Variants in GNL3 observed in about 807,000 individuals in gnomAD.
The protein encoded by GNL3 is guanine nucleotide-binding protein-like 3.
GNL3 carries 77 observed loss-of-function variants against 70.6 expected under a neutral mutation model. The ratio of observed to expected loss-of-function variants is 1.09; its 90% CI spans 0.91 to 1.32. GNL3 has a LOEUF of 1.32. Among genes scored for constraint, GNL3 ranks in the 40% most tolerant of loss-of-function variants. GNL3 has a pLI of 0.00. For missense variants in GNL3, 634 were observed against 644.0 expected, an observed-to-expected ratio of 0.98 and a Z score of 0.17; for synonymous variants, 252 against 216.1, an observed-to-expected ratio of 1.17 and a Z score of -1.46.
At chr3:52,691,485 T>C in intron 8 of GNL3, 57 bp from the exon 9 acceptor site, 1 of 1,041,424 alleles carries the variant, frequency 9.6e-7, no homozygotes, top group Non-Finnish European at 1.5e-6. Flanking sequence ...GCAGTGAAAA[T>C]TTCATAAGTG....
At chr3:52,686,879 T>G in intron 2 of GNL3, 52 bp downstream of exon 2, 1 of 1,364,734 alleles carries the variant, frequency 7.3e-7, no homozygotes, top group Non-Finnish European at 1.0e-6. Context: ...AAACTGATTT[T>G]GCCCTGTTCC....
chr3:52,686,028 C>T, upstream of GNL3: 3 of 831,702 alleles, frequency 3.6e-6, no homozygotes, highest in East Asian at 4.8e-5. Flanking sequence ...TCGTCAGTGG[C>T]TTCAGTTCAC....
intron 9 of GNL3, among the ~76,000 whole-genome samples, chr3:52,691,991 C>T (rs941148147): frequency 6.6e-5 from 10 of 152,136 alleles, no homozygotes; most frequent in African/African-American, 1.4e-4. Flanking sequence ...CAAGCCACCG[C>T]GCCCGGCCTA....
At position 52,693,039 on chromosome 3, in the gene GNL3, C is replaced by T; in HGVS notation, c.1037C>T (p.Ala346Val). The change falls in exon 10 of 15, where the codon GCT becomes GTT. Residue 346 changes from alanine to valine, a missense_variant. Transcript: ENST00000418458. ...AASAILSQAD[A>V]RQVVLKYTVP... Reference sequence around the variant, plus strand: ...AGTGCCATCCTTTCCCAGGCTGATGCTCGACAGGTAAAAGGACCCCTTCTC... The same window carrying T: ...AGTGCCATCCTTTCCCAGGCTGATGTTCGACAGGTAAAAGGACCCCTTCTC... 2 of 1,614,106 alleles carry T rather than the reference C, an allele frequency of 1.2e-6. No homozygotes were observed. The highest frequency in any genetic ancestry group is 1.7e-6 in the Non-Finnish European group (2 of 1,179,928).
chr3:52,686,928 G>A, intron 2 of GNL3, 101 bp downstream of exon 2: 1 of 886,858 alleles, frequency 1.1e-6, no homozygotes, highest in Non-Finnish European at 1.8e-6. Flanking sequence ...TTGGTTTTGG[G>A]AAATGGCATT....
In GNL3 at chr3:52,688,279, G is replaced by A; in HGVS notation, c.408+87G>A. ...TTTTTTTAACCTTTTAAGATGAAGG[G>A]TGCATGTGCAGGTTTGTTATATGGG... On this transcript the variant is annotated intron_variant, in intron 5 of 14. Transcript: ENST00000418458. 3.8e-6 allele frequency: 3 copies of A among 780,146 alleles called. No homozygotes were observed. In the Admixed American group the frequency reaches 5.9e-5, roughly 15 times the overall value. The allele number at this position is 780,146 out of a possible 1,614,324, so 48.3% of individuals were successfully genotyped here.
chr3:52,689,103 G>A lies in GNL3; in HGVS notation c.438G>A (p.Glu146=). 6.2e-7 allele frequency: 1 copy of A among 1,613,272 alleles called. No individual in the cohort carries two copies. The highest frequency in any genetic ancestry group is 8.5e-7 in the Non-Finnish European group (1 of 1,179,176). ...KVIEASDVVL[E]VLDARDPLGC... ...TTGAAGCCTCCGATGTTGTCCTAGA[G>A]GTGTTGGATGCCAGAGATCCTCTTG... Residue 146 remains glutamate (E), a synonymous_variant, in exon 6 of 15, where the codon GAG becomes GAA. Coordinates refer to ENST00000418458, the MANE Select transcript of GNL3 (RefSeq NM_014366.5).
At position 52,693,023 on chromosome 3, in the gene GNL3, C is replaced by T. The variant is rs990043399; in HGVS notation, c.1021C>T (p.Leu341Phe). Residue 341 changes from leucine (L) to phenylalanine (F), a missense_variant, in exon 10 of 15, where the codon CTT (leucine) becomes TTT (phenylalanine). Coordinates refer to ENST00000418458, the MANE Select transcript of GNL3 (RefSeq NM_014366.5). The part of the protein sequence containing the change: ...VKPMEAASAI[L>F]SQADARQVVL... The stretch of plus-strand genomic sequence containing the variant: ...ACCGATGGAGGCTGCCAGTGCCATC[C>T]TTTCCCAGGCTGATGCTCGACAGGT... 1.9e-6 allele frequency: 3 copies of T among 1,614,186 alleles called. No individual in the cohort carries two copies. The highest frequency in any genetic ancestry group is 2.2e-5 in the South Asian group (2 of 91,080).
rs149900807 is a variant in GNL3 at position 52,693,937 on chromosome 3, T to C, written c.1501-100T>C. Reference sequence around the variant, plus strand: ...AGCCTTAATTTTGCACATCCCGTTATATGTACCTCCAAAGAGTTAATTTTT... The same window carrying C: ...AGCCTTAATTTTGCACATCCCGTTACATGTACCTCCAAAGAGTTAATTTTT... On this transcript the variant is annotated intron_variant, in intron 13 of 14. Coordinates refer to ENST00000418458, the MANE Select transcript of GNL3 (RefSeq NM_014366.5). 7,958 of 1,292,758 alleles carry C rather than the reference T, an allele frequency of 6.2e-3. 70 individuals carry two copies. Among genetic ancestry groups the C allele is most frequent in the South Asian group, 0.025 (2,015 of 81,362 alleles). 80.1% of individuals were successfully genotyped at this position (1,292,758 alleles called of 1,614,324 possible). A position where few individuals can be genotyped will look rare whatever the true frequency, so the allele number is the denominator to read the frequency against.
Position 52,693,043 on chromosome 3 carries a change from A to G in GNL3, c.1041A>G (p.Arg347=), listed in dbSNP as rs1468224928. ...ASAILSQADA[R]QVVLKYTVPG... ...CCATCCTTTCCCAGGCTGATGCTCG[A>G]CAGGTAAAAGGACCCCTTCTCATGA... The change falls in exon 10 of 15, where the codon CGA becomes CGG. Residue 347 remains arginine, a synonymous_variant. Coordinates refer to ENST00000418458, the MANE Select transcript of GNL3 (RefSeq NM_014366.5). 2 of 1,614,106 alleles carry G rather than the reference A, an allele frequency of 1.2e-6. No homozygotes were observed. Among genetic ancestry groups the G allele is most frequent in the South Asian group, 2.2e-5 (2 of 91,088 alleles).
intron 6 of GNL3, among the ~76,000 whole-genome samples, chr3:52,689,596 T>C (rs953780553): frequency 6.6e-6 from 1 of 152,192 alleles, no homozygotes; most frequent in Admixed American, 6.5e-5. Flanking sequence ...AATGCATAAT[T>C]ATGCATCTGA....
intron 6 of GNL3, 88 bp from the exon 7 acceptor site, chr3:52,690,504 C>G: frequency 1.4e-6 from 1 of 728,826 alleles, no homozygotes; most frequent in Non-Finnish European, 2.5e-6. Context: ...AACTCGTGAT[C>G]CGCCTGTCTC....
Position 52,693,024 on chromosome 3 carries a change from T to C in GNL3, c.1022T>C (p.Leu341Pro). ...CCGATGGAGGCTGCCAGTGCCATCC[T>C]TTCCCAGGCTGATGCTCGACAGGTA... Reference protein sequence around the residue: ...VKPMEAASAILSQADARQVVL... With the variant: ...VKPMEAASAIPSQADARQVVL... Residue 341 changes from leucine (L) to proline (P), a missense_variant, in exon 10 of 15, where the codon CTT becomes CCT. Coordinates refer to ENST00000418458, the MANE Select transcript of GNL3 (RefSeq NM_014366.5). The C allele has an allele frequency of 6.2e-7, 1 of 1,614,192 alleles. No individual in the cohort carries two copies. The highest frequency in any genetic ancestry group is 1.3e-5 in the African/African-American group (1 of 75,066).
chr3:52,687,560 G>C lies in GNL3; in HGVS notation c.269G>C (p.Arg90Thr), dbSNP rs1381235026. 6.2e-7 allele frequency: 1 copy of C among 1,613,490 alleles called. No individual in the cohort carries two copies. The highest frequency in any genetic ancestry group is 2.2e-5 in the East Asian group (1 of 44,876). ...AGGCAGAAGGAACTAGAAAAGAAAA[G>C]AAAACTTGAAACTAATCCTGATATT... The part of the protein sequence containing the change: ...LDRQKELEKK[R>T]KLETNPDIKP... Residue 90 changes from arginine to threonine, a missense_variant, in exon 4 of 15, where the codon AGA becomes ACA. Physicochemically the swap from Arg to Thr is moderately conservative, Grantham distance 71 (BLOSUM62 -1). Coordinates refer to ENST00000418458, the MANE Select transcript of GNL3 (RefSeq NM_014366.5).
intron 9 of GNL3, 111 bp downstream of exon 9, chr3:52,691,740 G>C (rs568359265): frequency 1.6e-6 from 1 of 624,378 alleles, no homozygotes; most frequent in African/African-American, 2.3e-5. Flanking sequence ...TTTCACTCTT[G>C]TTCCCAGGCT....
chr3:52,692,369 A>ACTTTTTTTTTTTCTTTT (rs71087009), intron 9 of GNL3, among the ~76,000 whole-genome samples: 1 of 126,412 alleles, frequency 7.9e-6, no homozygotes, highest in Non-Finnish European at 1.6e-5. Context: ...CAACTTTTAG[A>ACTTTTTTTTTTTCTTTT]TTTTTTTTTT....
chr3:52,692,913 TAG>T lies in GNL3; in HGVS notation c.913_914del (p.Asp305Ter), dbSNP rs778874589. 1.1e-5 allele frequency: 18 copies of T among 1,613,570 alleles called. No individual in the cohort carries two copies. The highest frequency in any genetic ancestry group is 1.5e-5 in the Non-Finnish European group (18 of 1,179,536). On this transcript the variant is annotated frameshift_variant, in exon 10 of 15. Coordinates refer to ENST00000418458, the MANE Select transcript of GNL3 (RefSeq NM_014366.5). LOFTEE classifies it high-confidence loss of function. ...CCCTTGGACAAACAGATCACAATCATAGATAGTCCGAGCTTCATCGTATCTCC... is the reference window on the plus strand; with the variant it reads ...CCCTTGGACAAACAGATCACAATCATATAGTCCGAGCTTCATCGTATCTCC...
At chr3:52,692,710 C>T (rs754033497) in intron 9 of GNL3, 162 bp from the exon 10 acceptor site, 13 of 764,214 alleles carry the variant, frequency 1.7e-5, no homozygotes, top group African/African-American at 6.8e-5. Context: ...TTAGAACAGT[C>T]GGGTATGCTG....
Position 52,694,388 on chromosome 3 carries a change from A to G in GNL3, c.*113A>G, listed in dbSNP as rs969425753. On this transcript the variant is annotated 3_prime_UTR_variant, in exon 15 of 15. Transcript: ENST00000418458. ...TGTGTAAATTTTGTGAATATGTATT[A>G]TATTAAAACCAGGCAACTTGGAATC... The G allele has an allele frequency of 1.6e-6, 1 of 626,698 alleles. No individual in the cohort carries two copies. Among genetic ancestry groups the G allele is most frequent in the Non-Finnish European group, 2.8e-6 (1 of 355,130 alleles). 38.8% of individuals were successfully genotyped at this position (626,698 alleles called of 1,614,324 possible).
Sources: allele counts gnomAD v4.1 joint callset (sites outside exome capture counted in the v4.1 genomes callset), GRCh38; gene constraint gnomAD v4.1.1; transcripts MANE v1.5; gene names NCBI Gene and HGNC (gene_info 2026-07-23, HGNC 2026-07-21).